Variants in PARN observed in about 807,000 individuals in gnomAD.
PARN encodes poly(A)-specific ribonuclease, also known as poly(A)-specific ribonuclease PARN.
PARN carries 71 observed loss-of-function variants against 102.8 expected under a neutral mutation model. That is an observed-to-expected ratio of 0.69 (90% CI 0.57 to 0.84). The LOEUF is 0.84. PARN is among the 40% of genes least tolerant of loss of function. PARN has a pLI of 0.00. For synonymous variants in PARN, 261 were observed against 252.9 expected (o/e 1.03, Z -0.30); for missense variants, 782 against 760.9 (o/e 1.03, Z -0.33).
At chr16:14,614,027 G>C (rs1362215782) in intron 6 of PARN, among the ~76,000 whole-genome samples, 1 of 152,092 alleles carries the variant, frequency 6.6e-6, no homozygotes, top group East Asian at 1.9e-4. Context: ...AGAGCTTTAG[G>C]GGGTGGCGGC....
chr16:14,593,492 TAAAAAAAAAAAAAAAAAAAA>T lies in PARN; in HGVS notation c.841-134_841-115del. Reference sequence around the variant, plus strand: ...TTGTACTAAACTCGCTTTCCAGACTTAAAAAAAAAAAAAAAAAAAAAAAAAAAAAAAGTACAAATAAGCTA... The same window carrying T: ...TTGTACTAAACTCGCTTTCCAGACTTAAAAAAAAAAAGTACAAATAAGCTA... On this transcript the variant is annotated intron_variant, in intron 12 of 23. Coordinates refer to ENST00000437198, the MANE Select transcript of PARN (RefSeq NM_002582.4). 1.6e-4 allele frequency: 5 copies of T among 30,486 alleles called. No individual in the cohort carries two copies. In the East Asian group the frequency reaches 3.2e-3, roughly 19 times the overall value. The allele number at this position is 30,486 out of a possible 1,614,324, so 1.9% of individuals were successfully genotyped here.
chr16:14,493,617 A>T (rs1427376513), intron 21 of PARN, among the ~76,000 whole-genome samples: 6 of 152,190 alleles, frequency 3.9e-5, no homozygotes, highest in Non-Finnish European at 7.3e-5. Context: ...AGAGTAAAGG[A>T]GGCGAAAAGA....
At chr16:14,501,505 GA>G (rs941345529) in intron 21 of PARN, 5 of 138,872 alleles carry the variant, frequency 3.6e-5, no homozygotes, top group Non-Finnish European at 7.9e-5. Flanking sequence ...GCAGAGGCAT[GA>G]AAAATAGAAA....
At chr16:14,614,299 T>C (rs1480868706) in intron 6 of PARN, among the ~76,000 whole-genome samples, 1 of 151,828 alleles carries the variant, frequency 6.6e-6, no homozygotes, top group Non-Finnish European at 1.5e-5. Flanking sequence ...GGTGCAGTTT[T>C]TGACCCTAAG....
intron 22 of PARN, among the ~76,000 whole-genome samples, chr16:14,454,042 G>C (rs1961576932): frequency 6.6e-6 from 1 of 152,090 alleles, no homozygotes; most frequent in Non-Finnish European, 1.5e-5. Flanking sequence ...CTTTTTTGAA[G>C]AATCTGTTGA....
chr16:14,505,881 C>T (rs1272142844), intron 21 of PARN, among the ~76,000 whole-genome samples: 2 of 152,094 alleles, frequency 1.3e-5, no homozygotes, highest in Non-Finnish European at 2.9e-5. Flanking sequence ...TTAAAAAAAT[C>T]ATCAATGGAC....
chr16:14,436,992 C>T (rs557143563), intron 23 of PARN, among the ~76,000 whole-genome samples: 4 of 152,288 alleles, frequency 2.6e-5, no homozygotes, highest in African/African-American at 7.2e-5. Context: ...CATGGGGGCG[C>T]GGAGGAAGCA....
intron 22 of PARN, among the ~76,000 whole-genome samples, chr16:14,466,035 C>A (rs1399075821): frequency 1.3e-5 from 2 of 152,274 alleles, no homozygotes; most frequent in East Asian, 3.9e-4. Context: ...AAAAAAGTAA[C>A]TATTGCGTAC....
chr16:14,440,015 A>ATAC (rs1555475906), intron 23 of PARN, among the ~76,000 whole-genome samples: 3 of 151,832 alleles, frequency 2.0e-5, no homozygotes, highest in African/African-American at 7.3e-5. Flanking sequence ...ACTGTCTCGA[A>ATAC]AACAACAACA....
intron 12 of PARN, among the ~76,000 whole-genome samples, chr16:14,597,813 C>A (rs1231025428): frequency 6.6e-6 from 1 of 152,140 alleles, no homozygotes; most frequent in African/African-American, 2.4e-5. Context: ...AACTGGCGGA[C>A]TTCTGACAAA....
At chr16:14,534,768 G>A (rs1032320043) in intron 21 of PARN, among the ~76,000 whole-genome samples, 11 of 152,034 alleles carry the variant, frequency 7.2e-5, no homozygotes, top group South Asian at 2.1e-4. Context: ...CTTCACAAGC[G>A]GAAAGGATGA....
At chr16:14,488,824 A>C (rs1035881494) in intron 21 of PARN, among the ~76,000 whole-genome samples, 1 of 151,924 alleles carries the variant, frequency 6.6e-6, no homozygotes, top group Non-Finnish European at 1.5e-5. Context: ...ACTTCCTATG[A>C]CCCTGCAATT....
intron 21 of PARN, among the ~76,000 whole-genome samples, chr16:14,494,300 A>G (rs1361306921): frequency 6.6e-6 from 1 of 152,222 alleles, no homozygotes. Context: ...TGAGGCTGAG[A>G]GTGAAATCAG....
In PARN at chr16:14,563,516, G is replaced by GTA. The variant is rs1252096903; in HGVS notation, c.1263-7808_1263-7807insTA. 4.0e-3 allele frequency among the ~76,000 whole-genome samples: 320 copies of GTA among 80,264 alleles called. 2 individuals are homozygous for GTA. The highest frequency in any genetic ancestry group is 0.015 in the African/African-American group (293 of 19,056). 52.7% of individuals were successfully genotyped at this position (80,264 alleles called of 152,430 possible). A position where few individuals can be genotyped will look rare whatever the true frequency, so the allele number is the denominator to read the frequency against. On this transcript the variant is annotated intron_variant, in intron 18 of 23. Coordinates refer to ENST00000437198, the MANE Select transcript of PARN (RefSeq NM_002582.4). ...TGTGTGTGTGTGTGTGTGTGTGTGT[G>GTA]TGTGTGTATATAATTCTTTTAAGTT... is the stretch of plus-strand genomic sequence containing the variant.
At chr16:14,492,759 T>C (rs778455814) in intron 21 of PARN, among the ~76,000 whole-genome samples, 2 of 152,204 alleles carry the variant, frequency 1.3e-5, no homozygotes, top group Non-Finnish European at 2.9e-5. Context: ...TGTTTAATTA[T>C]TTAAAACCTA....
At chr16:14,572,232 A>C (rs2151735993) in intron 18 of PARN, among the ~76,000 whole-genome samples, 1 of 152,270 alleles carries the variant, frequency 6.6e-6, no homozygotes, top group South Asian at 2.1e-4. Context: ...TTAACAACCC[A>C]CTGCGACCCT....
intron 10 of PARN, 59 bp from the exon 11 acceptor site, chr16:14,604,285 A>C: frequency 9.1e-7 from 1 of 1,095,304 alleles, no homozygotes; most frequent in East Asian, 2.6e-5. Context: ...TTTGAGACAG[A>C]GTTTCGCTCT....
intron 21 of PARN, among the ~76,000 whole-genome samples, chr16:14,540,880 G>A (rs1260655958): frequency 6.6e-6 from 1 of 152,188 alleles, no homozygotes; most frequent in African/African-American, 2.4e-5. Flanking sequence ...GAGCCCAGGA[G>A]GTAGAGGCTG....
rs190777954 is a variant in PARN at position 14,517,180 on chromosome 16, C to T, written c.1481-34353G>A. ...TTGCAATGTGACTTTTCTGCTCCTG[C>T]CATCAAGAGGTGCGGTGTATTTACT... is the stretch of plus-strand genomic sequence containing the variant. On this transcript the variant is annotated intron_variant, in intron 21 of 23. Coordinates refer to ENST00000437198, the MANE Select transcript of PARN (RefSeq NM_002582.4). Among the ~76,000 whole-genome samples the T allele has an allele frequency of 1.4e-4, 22 of 152,336 alleles. No homozygotes were observed. The East Asian group carries it at 4.2e-3, about 29-fold the overall frequency.
Sources: gnomAD v4.1 joint callset for allele counts (sites outside exome capture counted in the v4.1 genomes callset) on GRCh38, gnomAD v4.1.1 for gene constraint, MANE v1.5 for transcripts, NCBI Gene and HGNC (gene_info 2026-07-23, HGNC 2026-07-21) for gene names.